Variants in HTR4 observed in about 807,000 individuals in gnomAD.
HTR4 encodes the protein 5-hydroxytryptamine (serotonin) receptor 4, G protein-coupled.
HTR4 carries 16 observed loss-of-function variants against 36.8 expected under a neutral mutation model. The ratio of observed to expected loss-of-function variants is 0.43; its 90% CI spans 0.29 to 0.66. The LOEUF is 0.66. Among genes scored for constraint, HTR4 ranks in the 30% least tolerant of loss-of-function variants. The pLI, the probability that HTR4 is intolerant of heterozygous loss-of-function variation, is 0.13. For synonymous variants in HTR4, 189 were observed against 185.1 expected, an observed-to-expected ratio of 1.02 and a Z score of -0.17; for missense variants, 438 against 490.9, an observed-to-expected ratio of 0.89 and a Z score of 1.02.
chr5:148,517,820 A>G (rs1757833676), intron 5 of HTR4, among the ~76,000 whole-genome samples: 1 of 152,148 alleles, frequency 6.6e-6, no homozygotes, highest in Admixed American at 6.6e-5. Context: ...AATATAATTC[A>G]GGTCATGTTA....
At chr5:148,601,142 G>C (rs1205697544) in intron 2 of HTR4, among the ~76,000 whole-genome samples, 2 of 151,822 alleles carry the variant, frequency 1.3e-5, no homozygotes, top group Non-Finnish European at 2.9e-5. Context: ...ACCACAATGA[G>C]ATAACACCTC....
At chr5:148,562,010 T>C (rs1760234426) in intron 2 of HTR4, among the ~76,000 whole-genome samples, 1 of 152,214 alleles carries the variant, frequency 6.6e-6, no homozygotes, top group South Asian at 2.1e-4. Context: ...TACTTCTGCC[T>C]CTGATAATGC....
At chr5:148,489,095 T>C (rs181985504) in intron 6 of HTR4, among the ~76,000 whole-genome samples, 1 of 152,282 alleles carries the variant, frequency 6.6e-6, no homozygotes, top group Admixed American at 6.5e-5. Flanking sequence ...TATTCCAATA[T>C]AAAAGGACCT....
chr5:148,631,668 T>C (rs562535582), intron 2 of HTR4, among the ~76,000 whole-genome samples: 177 of 152,308 alleles, frequency 1.2e-3, no homozygotes, highest in African/African-American at 3.9e-3. Context: ...AAAATTTCTA[T>C]CTTTTTCTGT....
chr5:148,540,375 A>T (rs1206246113), intron 4 of HTR4, among the ~76,000 whole-genome samples: 2 of 135,150 alleles, frequency 1.5e-5, no homozygotes, highest in Non-Finnish European at 3.1e-5. Flanking sequence ...CTAAAATAAA[A>T]TTTTAGGTTT....
chr5:148,637,029 A>T lies in HTR4; in HGVS notation c.-15T>A, dbSNP rs763582073. ...AGTTTGTCCATTACAGGAAATAAGC[A>T]TGAGTGAGTTGGATTTCAATGCCCA... is the stretch of plus-strand genomic sequence containing the variant. On this transcript the variant is annotated 5_prime_UTR_variant, in exon 2 of 7. It removes an upstream start codon present in the reference 5' UTR. Transcript: ENST00000377888. 6.2e-7 allele frequency: 1 copy of T among 1,611,112 alleles called. No homozygotes were observed. Among genetic ancestry groups the T allele is most frequent in the South Asian group, 1.1e-5 (1 of 90,862 alleles).
chr5:148,577,915 C>A (rs2127239336), intron 2 of HTR4, among the ~76,000 whole-genome samples: 1 of 151,956 alleles, frequency 6.6e-6, no homozygotes, highest in East Asian at 1.9e-4. Context: ...AACAAACTCC[C>A]ATGACATGAG....
chr5:148,551,791 T>C (rs1759706700), intron 2 of HTR4, among the ~76,000 whole-genome samples: 1 of 151,954 alleles, frequency 6.6e-6, no homozygotes, highest in Non-Finnish European at 1.5e-5. Context: ...GTTAAGAAAG[T>C]TTATAAATTG....
At chr5:148,505,322 G>C (rs1167636660) in intron 6 of HTR4, among the ~76,000 whole-genome samples, 1 of 152,066 alleles carries the variant, frequency 6.6e-6, no homozygotes, top group East Asian at 1.9e-4. Flanking sequence ...AAATTCAACA[G>C]CCCTTCATGG....
intron 2 of HTR4, among the ~76,000 whole-genome samples, chr5:148,624,097 G>A (rs1753008181): frequency 6.6e-6 from 1 of 152,130 alleles, no homozygotes; most frequent in East Asian, 1.9e-4. Flanking sequence ...AGGGGTTTAT[G>A]GTTATCGTAG....
chr5:148,564,365 G>T (rs1369606873), intron 2 of HTR4, among the ~76,000 whole-genome samples: 1 of 152,036 alleles, frequency 6.6e-6, no homozygotes, highest in Non-Finnish European at 1.5e-5. Context: ...TGCTTCCATT[G>T]TACCCTATAA....
chr5:148,602,079 A>C (rs1762015834), intron 2 of HTR4, among the ~76,000 whole-genome samples: 1 of 152,184 alleles, frequency 6.6e-6, no homozygotes, highest in South Asian at 2.1e-4. Context: ...TACAGCTAGA[A>C]ATACTCCATT....
At chr5:148,644,431 T>G (rs1461452598) in intron 1 of HTR4, among the ~76,000 whole-genome samples, 4 of 128,100 alleles carry the variant, frequency 3.1e-5, no homozygotes, top group South Asian at 6.3e-4. Flanking sequence ...AGTTTTTTTT[T>G]TTTTTTTTTT....
intron 6 of HTR4, among the ~76,000 whole-genome samples, chr5:148,506,719 G>A (rs1417431856): frequency 6.6e-6 from 1 of 152,206 alleles, no homozygotes; most frequent in African/African-American, 2.4e-5. Context: ...TGAAGGATAT[G>A]AACAGACACT....
At chr5:148,515,062 T>G (rs1757675415) in intron 5 of HTR4, among the ~76,000 whole-genome samples, 1 of 152,100 alleles carries the variant, frequency 6.6e-6, no homozygotes, top group South Asian at 2.1e-4. Flanking sequence ...TCTATAATCT[T>G]ACTGTTATCT....
chr5:148,469,832 G>A (rs1755520501), intron 5 of HTR4, among the ~76,000 whole-genome samples: 1 of 152,244 alleles, frequency 6.6e-6, no homozygotes, highest in African/African-American at 2.4e-5. Flanking sequence ...TGGAGAGGCA[G>A]TATGATGTGG....
chr5:148,455,805 T>C (rs1755088896), intron 5 of HTR4, among the ~76,000 whole-genome samples: 2 of 152,168 alleles, frequency 1.3e-5, no homozygotes, highest in Admixed American at 6.5e-5. Flanking sequence ...TAAAGTAAGC[T>C]ACAGAAAATG....
intron 2 of HTR4, among the ~76,000 whole-genome samples, chr5:148,616,020 T>A (rs1752670058): frequency 6.6e-6 from 1 of 152,190 alleles, no homozygotes; most frequent in South Asian, 2.1e-4. Context: ...GACAAGACTT[T>A]ACAGTGATTA....
intron 4 of HTR4, among the ~76,000 whole-genome samples, chr5:148,542,886 T>C (rs1225722024): frequency 6.6e-6 from 1 of 152,194 alleles, no homozygotes; most frequent in African/African-American, 2.4e-5. Context: ...TCTCCTCTTC[T>C]TGTCTGCCTA....
Sources: gnomAD v4.1 joint callset for allele counts (sites outside exome capture counted in the v4.1 genomes callset) on GRCh38, gnomAD v4.1.1 for gene constraint, MANE v1.5 for transcripts, NCBI Gene and HGNC (gene_info 2026-07-23, HGNC 2026-07-21) for gene names.